The following SLC4A9 variants were observed in gnomAD, a reference collection of about 807,000 sequenced individuals.
SLC4A9 encodes solute carrier family 4 member 9.
A neutral mutation model predicts 103.2 loss-of-function variants in SLC4A9; 102 were observed. The observed-to-expected ratio is 0.99, with a 90% CI of 0.84 to 1.17. SLC4A9 has a LOEUF of 1.17. Ranked by LOEUF, SLC4A9 falls within the 50% of genes most tolerant of loss-of-function variation. The pLI is 0.00. For missense variants in SLC4A9, 1,091 were observed against 1,193.7 expected, an observed-to-expected ratio of 0.91 and a Z score of 1.27; for synonymous variants, 453 against 483.6, an observed-to-expected ratio of 0.94 and a Z score of 0.83.
intron 17 of SLC4A9, among the ~76,000 whole-genome samples, chr5:140,370,683 G>A (rs760587259): frequency 3.3e-5 from 5 of 152,156 alleles, no homozygotes; most frequent in Non-Finnish European, 5.9e-5. Context: ...GAGAAAGTCT[G>A]GGGGAAGAGC....
rs751812256 is a variant in SLC4A9, at chr5:140,365,855, T to C, written c.1732T>C (p.Ser578Pro). The change falls in exon 13 of 22, where the codon TCC (serine) becomes CCC (proline). Residue 578 changes from serine to proline, a missense_variant. Ser to Pro is a moderately conservative substitution (Grantham distance 74). Transcript: ENST00000506757. ...ACAGGACTTAGGCCTGATCAATGCA[T>C]CCTTGCTGCCGCCACCTGAGTGCAC... ...VSMDLGLINASLLPPPECTRQ... is the reference protein window; with the variant it reads ...VSMDLGLINAPLLPPPECTRQ... 1.2e-6 allele frequency: 2 copies of C among 1,613,858 alleles called. No individual in the cohort carries two copies. The highest frequency in any genetic ancestry group is 1.7e-6 in the Non-Finnish European group (2 of 1,179,828).
rs758107339 is a variant in SLC4A9 at position 140,368,646 on chromosome 5, C to A, written c.2414C>A (p.Ala805Glu). The change falls in exon 17 of 22, where the codon GCA becomes GAA. Residue 805 changes from alanine to glutamate, a missense_variant. Ala to Glu is a moderately radical substitution (Grantham distance 107). Coordinates refer to ENST00000506757, the MANE Select transcript of SLC4A9 (RefSeq NM_031467.3). Reference sequence around the variant, plus strand: ...CTTACAGGAGCCTCCATCTTCCTGGCACCTGTGCTCAAGGTACCTTTGTTA... The same window carrying A: ...CTTACAGGAGCCTCCATCTTCCTGGAACCTGTGCTCAAGGTACCTTTGTTA... ...FILTGASIFL[A>E]PVLKFIPMPV... 18 of 1,613,332 alleles carry A rather than the reference C, an allele frequency of 1.1e-5. No individual in the cohort carries two copies. The East Asian group carries it at 2.9e-4, about 26-fold the overall frequency.
At position 140,363,675 on chromosome 5, in the gene SLC4A9, G is replaced by A. The variant is rs1767454647; in HGVS notation, c.1080-53G>A. ...ACCCGGTCACAGGGAAAGTAGCGGG[G>A]ATGCGGGTGTGGAGTGTGAAAACCT... is the stretch of plus-strand genomic sequence containing the variant. On this transcript the variant is annotated intron_variant, in intron 8 of 21. Coordinates refer to ENST00000506757, the MANE Select transcript of SLC4A9 (RefSeq NM_031467.3). This position sits in a 1 kb window ranked among gnomAD's most constrained non-coding sequence, Gnocchi z 4.5. 6 of 1,602,912 alleles carry A rather than the reference G, an allele frequency of 3.7e-6. No individual in the cohort carries two copies. The highest frequency in any genetic ancestry group is 5.1e-6 in the Non-Finnish European group (6 of 1,173,742).
At position 140,363,299 on chromosome 5, in the gene SLC4A9, C is replaced by T. The variant is rs564776342; in HGVS notation, c.963-140C>T. 1 of 929,264 alleles carries T rather than the reference C, an allele frequency of 1.1e-6. No homozygotes were observed. The highest frequency in any genetic ancestry group is 1.7e-5 in the South Asian group (1 of 58,984). The allele number at this position is 929,264 out of a possible 1,614,324, so 57.6% of individuals were successfully genotyped here. ...CAGGTCGCAATATGACCTGGACCTT[C>T]TAGAGGCCCAGGTGTCGCCATGGTT... On this transcript the variant is annotated intron_variant, in intron 7 of 21. Transcript: ENST00000506757. This position sits in a 1 kb window ranked among gnomAD's most constrained non-coding sequence, Gnocchi z 4.5.
intron 2 of SLC4A9, 65 bp from the exon 3 acceptor site, chr5:140,361,162 CAGAAGGGAAAGGTGTCTGGGCAGAGGG>C: frequency 7.7e-7 from 1 of 1,305,818 alleles, no homozygotes; most frequent in Non-Finnish European, 1.1e-6. Context: ...CTGAGACTCC[CAGAAGGGAAAGGTGTCTGGGCAGAGGG>C]AGAAGGGGAA....
In SLC4A9 at chr5:140,372,815, G is replaced by A. The variant is rs1222519269; in HGVS notation, c.*17G>A. 1 of 1,552,598 alleles carries A rather than the reference G, an allele frequency of 6.4e-7. No individual in the cohort carries two copies. The highest frequency in any genetic ancestry group is 1.4e-5 in the African/African-American group (1 of 73,366). ...GTGAATTAGCTGGAGTAGGAGTCTG[G>A]GAGTGGAGACCCCAGGAAACAGCAT... is the stretch of plus-strand genomic sequence containing the variant. On this transcript the variant is annotated 3_prime_UTR_variant, in exon 21 of 22. Coordinates refer to ENST00000506757, the MANE Select transcript of SLC4A9 (RefSeq NM_031467.3).
In SLC4A9 at chr5:140,371,513, G is replaced by A; in HGVS notation, c.2559G>A (p.Leu853=). ...PAKHQPDLLL[L]RHVPLTRVHL... The stretch of plus-strand genomic sequence containing the variant: ...AACACCAGCCAGACCTGCTACTCTT[G>A]CGGCATGTGCCTCTGACCAGGGTCC... Residue 853 remains leucine, a synonymous_variant, in exon 19 of 22, where the codon TTG becomes TTA. Transcript: ENST00000506757. The A allele has an allele frequency of 6.2e-7, 1 of 1,614,018 alleles. No homozygotes were observed. Among genetic ancestry groups the A allele is most frequent in the Non-Finnish European group, 8.5e-7 (1 of 1,179,898 alleles).
In SLC4A9 at chr5:140,372,623, A is replaced by C. The variant is rs1018267406; in HGVS notation, c.2827-122A>C. On this transcript the variant is annotated intron_variant, in intron 20 of 21. Transcript: ENST00000506757. ...TGGAAAGGGCTGAGGCTTCAGCTCA[A>C]GTGGGCTGTCTTTCTCAACTCTGAT... 3 of 1,443,320 alleles carry C rather than the reference A, an allele frequency of 2.1e-6. No homozygotes were observed. In the African/African-American group the frequency reaches 4.3e-5, roughly 21 times the overall value. The allele number at this position is 1,443,320 out of a possible 1,614,324, so 89.4% of individuals were successfully genotyped here.
In SLC4A9 at chr5:140,370,122, T is replaced by C. The variant is rs934237709; in HGVS notation, c.2428-973T>C. Among the ~76,000 whole-genome samples, 3 of 152,208 alleles carry C rather than the reference T, an allele frequency of 2.0e-5. No homozygotes were observed. In the East Asian group the frequency reaches 5.8e-4, roughly 29 times the overall value. On this transcript the variant is annotated intron_variant, in intron 17 of 21. Coordinates refer to ENST00000506757, the MANE Select transcript of SLC4A9 (RefSeq NM_031467.3). ...GGGATATAATGGTGCTCAAAAGAAA[T>C]CATTTTTCTAACCTTACAACCTGGT...
chr5:140,371,304 C>A, intron 18 of SLC4A9, 141 bp downstream of exon 18: 2 of 1,384,366 alleles, frequency 1.4e-6, no homozygotes, highest in South Asian at 1.3e-5. Context: ...TTCCCTCTTA[C>A]TCTCTTTTTC....
intron 17 of SLC4A9, among the ~76,000 whole-genome samples, chr5:140,369,803 A>G (rs1581161489): frequency 6.6e-6 from 1 of 151,868 alleles, no homozygotes. Flanking sequence ...GGAGTTTGAG[A>G]CCAGCCTGTG....
At chr5:140,373,855 AC>A (rs1769092649) in intron 21 of SLC4A9, among the ~76,000 whole-genome samples, 1 of 152,172 alleles carries the variant, frequency 6.6e-6, no homozygotes, top group Non-Finnish European at 1.5e-5. Context: ...AAGGAAGGCC[AC>A]AGCATGTACA....
intron 17 of SLC4A9, 42 bp from the exon 18 acceptor site, chr5:140,371,053 G>A (rs755354573): frequency 3.2e-5 from 51 of 1,572,874 alleles, no homozygotes; most frequent in Non-Finnish European, 4.3e-5. Flanking sequence ...CTGGGAGGTT[G>A]GCAGAGGTAA....
In SLC4A9 at chr5:140,362,544, AG is replaced by A; in HGVS notation, c.807+14del. 1 of 1,613,488 alleles carries A rather than the reference AG, an allele frequency of 6.2e-7. No individual in the cohort carries two copies. The highest frequency in any genetic ancestry group is 8.5e-7 in the Non-Finnish European group (1 of 1,179,496). On this transcript the variant is annotated intron_variant, in intron 6 of 21. Transcript: ENST00000506757. ...TCCTCAGTGACCCGGTGAGCTGAGC[AG>A]GTGTGTGTGTGTGCGCGCGCACGCG...
rs768365028 is a variant in SLC4A9, at chr5:140,363,518, C to T, written c.1042C>T (p.Pro348Ser). The T allele has an allele frequency of 7.5e-5, 116 of 1,552,494 alleles. No homozygotes were observed. Among genetic ancestry groups the T allele is most frequent in the Admixed American group, 1.2e-4 (6 of 51,074 alleles). ...TSAEDRHRHG[P>S]HAHSPELQRT... ...GGCTGAGGACAGGCACCGCCATGGGCCACACGCACACAGCCCGGAGTTGCA... is the reference window on the plus strand; with the variant it reads ...GGCTGAGGACAGGCACCGCCATGGGTCACACGCACACAGCCCGGAGTTGCA... Residue 348 changes from proline to serine, a missense_variant, in exon 8 of 22, where the codon CCA becomes TCA. Transcript: ENST00000506757. This position sits in a 1 kb window ranked among gnomAD's most constrained non-coding sequence, Gnocchi z 4.5.
intron 14 of SLC4A9, among the ~76,000 whole-genome samples, chr5:140,366,885 C>T (rs1767970710): frequency 6.6e-6 from 1 of 152,224 alleles, no homozygotes; most frequent in Non-Finnish European, 1.5e-5. Flanking sequence ...AGGCTTAGCA[C>T]TGATTTCTAG....
intron 20 of SLC4A9, 152 bp from the exon 21 acceptor site, chr5:140,372,593 G>T: frequency 6.9e-7 from 1 of 1,439,388 alleles, no homozygotes; most frequent in Non-Finnish European, 9.1e-7. Flanking sequence ...GGCCCTCGAT[G>T]TGGGTGGAAA....
Position 140,364,139 on chromosome 5 carries a change from G to A in SLC4A9, c.1340G>A (p.Ser447Asn), listed in dbSNP as rs768931717. The A allele has an allele frequency of 6.3e-7, 1 of 1,593,804 alleles. No individual in the cohort carries two copies. The highest frequency in any genetic ancestry group is 1.1e-5 in the South Asian group (1 of 88,580). The change falls in exon 10 of 22, where the codon AGC becomes AAC. Residue 447 changes from serine (S) to asparagine (N), a missense_variant. Transcript: ENST00000506757. ...GGCCAGCCCCTCACCATTCTGAGCAGCACGGGGCCAGTGCTGGTCTTTGAG... is the reference window on the plus strand; with the variant it reads ...GGCCAGCCCCTCACCATTCTGAGCAACACGGGGCCAGTGCTGGTCTTTGAG... ...MAGQPLTILS[S>N]TGPVLVFERL...
At position 140,371,477 on chromosome 5, in the gene SLC4A9, G is replaced by C; in HGVS notation, c.2523G>C (p.Leu841Phe). The change falls in exon 19 of 22, where the codon TTG becomes TTC. Residue 841 changes from leucine (L) to phenylalanine (F), a missense_variant. Physicochemically the swap from Leu to Phe is conservative, Grantham distance 22. Transcript: ENST00000506757. ...TCACTAATAGGGTGAAGCTGTTGTT[G>C]ATGCCAGCAAAACACCAGCCAGACC... Reference protein sequence around the residue: ...IQFTNRVKLLLMPAKHQPDLL... With the variant: ...IQFTNRVKLLFMPAKHQPDLL... 1 of 1,613,982 alleles carries C rather than the reference G, an allele frequency of 6.2e-7. No individual in the cohort carries two copies. Among genetic ancestry groups the C allele is most frequent in the Non-Finnish European group, 8.5e-7 (1 of 1,179,882 alleles).
Sources: gnomAD v4.1 joint callset for allele counts (sites outside exome capture counted in the v4.1 genomes callset) on GRCh38, gnomAD v4.1.1 for gene constraint, Gnocchi (gnomAD v3.1) non-coding constraint, MANE v1.5 for transcripts, NCBI Gene and HGNC (gene_info 2026-07-23, HGNC 2026-07-21) for gene names.